The following GLIS3 variants were observed in gnomAD, a reference collection of about 807,000 sequenced individuals.
GLIS3 encodes the protein zinc finger protein GLIS3.
In GLIS3, 53 loss-of-function variants were observed where a neutral mutation model predicts 78.6. The ratio of observed to expected loss-of-function variants is 0.67; its 90% confidence interval spans 0.54 to 0.85. The LOEUF (loss-of-function observed/expected upper bound fraction) is 0.85, where lower values mean the gene tolerates loss of function less well. Ranked by LOEUF, GLIS3 falls within the 40% of genes least tolerant of loss-of-function variation. GLIS3 has a pLI of 0.00. For synonymous variants in GLIS3, 684 were observed against 509.9 expected (o/e 1.34, Z -4.60); for missense variants, 1,703 against 1,231.1 (o/e 1.38, Z -5.74).
chr9:4,172,910 G>C (rs899328916), intron 2 of GLIS3, among the ~76,000 whole-genome samples: 1 of 152,202 alleles, frequency 6.6e-6, no homozygotes, highest in Non-Finnish European at 1.5e-5. Flanking sequence ...ATCATGTAGG[G>C]AAGCAGGCCA....
chr9:4,277,954 C>T (rs1017319162), intron 2 of GLIS3, among the ~76,000 whole-genome samples: 2 of 152,216 alleles, frequency 1.3e-5, no homozygotes, highest in African/African-American at 4.8e-5. Flanking sequence ...GCACCCTGTC[C>T]TGCCTGCTTA....
At chr9:3,956,577 G>C (rs1029574131) in intron 4 of GLIS3, among the ~76,000 whole-genome samples, 1 of 152,154 alleles carries the variant, frequency 6.6e-6, no homozygotes, top group Non-Finnish European at 1.5e-5. Context: ...CAACACACTG[G>C]ATCTAACCCC....
chr9:4,447,957 G>A, the GLIS3 span, among the ~76,000 whole-genome samples: 5 of 151,302 alleles, frequency 3.3e-5, no homozygotes, highest in South Asian at 1.1e-3. Flanking sequence ...TCAATATGTT[G>A]CCCAGACTGG....
intron 4 of GLIS3, among the ~76,000 whole-genome samples, chr9:4,044,368 C>T (rs759428602): frequency 3.3e-5 from 5 of 152,134 alleles, no homozygotes; most frequent in Non-Finnish European, 7.4e-5. Context: ...CGCCCCTTAG[C>T]ACGTCAACAT....
chr9:3,856,445 A>G (rs780927112), intron 8 of GLIS3, among the ~76,000 whole-genome samples: 1 of 152,374 alleles, frequency 6.6e-6, no homozygotes, highest in East Asian at 1.9e-4. Context: ...GGGTTTCTCA[A>G]GATTTCTAAG....
chr9:3,838,817 C>T (rs572124392), intron 9 of GLIS3, among the ~76,000 whole-genome samples: 2 of 152,312 alleles, frequency 1.3e-5, no homozygotes, highest in African/African-American at 2.4e-5. Context: ...CTCCAACACT[C>T]GGGATATTTG....
At chr9:4,439,862 T>C in the GLIS3 span, among the ~76,000 whole-genome samples, 1 of 152,114 alleles carries the variant, frequency 6.6e-6, no homozygotes, top group Non-Finnish European at 1.5e-5. Flanking sequence ...TGGGGTTCTT[T>C]TGCAGAGAAA....
chr9:4,415,865 T>A, the GLIS3 span, among the ~76,000 whole-genome samples: 1 of 151,904 alleles, frequency 6.6e-6, no homozygotes, highest in Non-Finnish European at 1.5e-5. Flanking sequence ...GTCAAACAGT[T>A]CAGAAGGGTA....
At chr9:4,361,353 T>C in the GLIS3 span, among the ~76,000 whole-genome samples, 1 of 152,206 alleles carries the variant, frequency 6.6e-6, no homozygotes, top group Non-Finnish European at 1.5e-5. Flanking sequence ...TCTCTTGCAA[T>C]TGCATTAAAG....
chr9:4,273,370 G>A (rs1826692403), intron 2 of GLIS3, among the ~76,000 whole-genome samples: 1 of 152,110 alleles, frequency 6.6e-6, no homozygotes, highest in East Asian at 1.9e-4. Context: ...TGAGGCAGGA[G>A]GGTCACTTAA....
At chr9:3,922,084 G>C (rs1335609726) in intron 6 of GLIS3, among the ~76,000 whole-genome samples, 4 of 152,104 alleles carry the variant, frequency 2.6e-5, no homozygotes, top group Admixed American at 2.6e-4. Context: ...AGCACTTTAG[G>C]ATATGTACTA....
At chr9:4,366,085 G>T in the GLIS3 span, among the ~76,000 whole-genome samples, 3 of 152,180 alleles carry the variant, frequency 2.0e-5, no homozygotes, top group Non-Finnish European at 2.9e-5. Context: ...TAAGGGTATG[G>T]GGCACCCAGA....
the GLIS3 span, among the ~76,000 whole-genome samples, chr9:4,447,159 C>G: frequency 6.6e-6 from 1 of 151,934 alleles, no homozygotes; most frequent in Admixed American, 6.6e-5. Context: ...ATGATTCTCC[C>G]ACCTTAGCCT....
chr9:3,828,867 T>A (rs10973704), intron 10 of GLIS3, among the ~76,000 whole-genome samples: 47,196 of 151,986 alleles, frequency 0.31, 7,380 homozygotes, highest in South Asian at 0.42. Context: ...TGGGCAGGTG[T>A]GCAGAGCTGG....
chr9:4,054,402 T>C (rs1825968490), intron 4 of GLIS3: 14 of 985,340 alleles, frequency 1.4e-5, no homozygotes, highest in Non-Finnish European at 1.7e-5. Context: ...AGAGGAACCA[T>C]CTGAATTTAA....
At chr9:3,903,161 C>A (rs893802490) in intron 6 of GLIS3, among the ~76,000 whole-genome samples, 14 of 152,156 alleles carry the variant, frequency 9.2e-5, no homozygotes, top group African/African-American at 2.9e-4. Flanking sequence ...CCATTAAGCC[C>A]AGGGCCATAA....
Position 4,042,294 on chromosome 9 carries a change from G to A in GLIS3, c.1710+75474C>T, listed in dbSNP as rs145723893. Reference sequence around the variant, plus strand: ...GTATCCAAGATGTAAACATTATCAAGCCCAAGGGTCAGCAGAATAGAGAAG... The same window carrying A: ...GTATCCAAGATGTAAACATTATCAAACCCAAGGGTCAGCAGAATAGAGAAG... On this transcript the variant is annotated intron_variant, in intron 4 of 10. Coordinates refer to ENST00000381971, the MANE Select transcript of GLIS3 (RefSeq NM_001042413.2). Among the ~76,000 whole-genome samples, 233 of 152,150 alleles carry A rather than the reference G, an allele frequency of 1.5e-3. 1 individual carries two copies. The highest frequency in any genetic ancestry group is 5.2e-3 in the African/African-American group (216 of 41,532).
At chr9:4,312,717 T>C (rs147126970) in intron 2 of GLIS3, among the ~76,000 whole-genome samples, 3 of 152,348 alleles carry the variant, frequency 2.0e-5, no homozygotes, top group African/African-American at 7.2e-5. Context: ...GCTCACTTCG[T>C]TGTGGCTTAG....
intron 8 of GLIS3, among the ~76,000 whole-genome samples, chr9:3,874,856 T>C (rs7018748): frequency 1 from 152,207 of 152,310 alleles, 76,052 homozygotes; most frequent in East Asian, 1. Flanking sequence ...GGCTCAGCCA[T>C]GGGCTCATAG....
Sources: allele counts gnomAD v4.1 joint callset (sites outside exome capture counted in the v4.1 genomes callset), GRCh38; gene constraint gnomAD v4.1.1; transcripts MANE v1.5; gene names NCBI Gene and HGNC (gene_info 2026-07-23, HGNC 2026-07-21).